The following SMG7 variants were observed in gnomAD, a reference collection of about 807,000 sequenced individuals.
The protein encoded by SMG7 is nonsense-mediated mRNA decay factor SMG7.
A neutral mutation model predicts 148.2 loss-of-function variants in SMG7; 34 were observed. The ratio of observed to expected loss-of-function variants is 0.23; its 90% CI spans 0.17 to 0.31. The LOEUF is 0.31. Ranked by LOEUF, SMG7 falls within the 10% of genes least tolerant of loss-of-function variation. The probability of loss-of-function intolerance (pLI) is 1.00; values close to 1 mark genes in which losing one functional copy is unlikely to be tolerated. For missense variants in SMG7, 1,114 were observed against 1,408.4 expected (o/e 0.79, Z 3.35); for synonymous variants, 492 against 515.1 (o/e 0.96, Z 0.61).
chr1:183,508,059 T>C lies in SMG7; in HGVS notation c.30-4778T>C, dbSNP rs546755544. On this transcript the variant is annotated intron_variant, in intron 1 of 22. Coordinates refer to ENST00000688051, the MANE Select transcript of SMG7 (RefSeq NM_001375584.1). ...AGCTTAAAGAATTAAAAGGAATTCA[T>C]GTTGCCATACCCTCTACCAAGAGAA... 1.3e-3 allele frequency: 534 copies of C among 404,744 alleles called. 17 individuals carry two copies. In the South Asian group the frequency reaches 0.052, roughly 39 times the overall value. 25.1% of individuals were successfully genotyped at this position (404,744 alleles called of 1,614,324 possible). A position where few individuals can be genotyped will look rare whatever the true frequency, so the allele number is the denominator to read the frequency against.
rs763832972 is a variant in SMG7, at chr1:183,529,378, A to AT, written c.708-13dup. 6.9e-6 allele frequency: 11 copies of AT among 1,604,826 alleles called. No individual in the cohort carries two copies. The highest frequency in any genetic ancestry group is 9.3e-6 in the Non-Finnish European group (11 of 1,177,184). On this transcript the variant is annotated intron_variant, in intron 7 of 22. Coordinates refer to ENST00000688051, the MANE Select transcript of SMG7 (RefSeq NM_001375584.1). ...CAATTTGCTGCTTATGATTCATGGA[A>AT]TTTTTTTCTTTCATTTCAGCCGAGA...
intron 4 of SMG7, among the ~76,000 whole-genome samples, chr1:183,522,831 G>A (rs994156968): frequency 7.9e-5 from 12 of 151,332 alleles, no homozygotes; most frequent in Admixed American, 7.9e-4. Flanking sequence ...GGCTGAGTAC[G>A]GTGCTTAATC....
chr1:183,536,780 T>G (rs1358693738), intron 10 of SMG7, among the ~76,000 whole-genome samples: 1 of 152,174 alleles, frequency 6.6e-6, no homozygotes, highest in Non-Finnish European at 1.5e-5. Context: ...CAACTCATAA[T>G]GTATGTGAAA....
intron 14 of SMG7, 127 bp downstream of exon 14, chr1:183,542,629 G>A: frequency 1.4e-6 from 1 of 718,562 alleles, no homozygotes; most frequent in East Asian, 2.7e-5. Flanking sequence ...TAATTGCATA[G>A]TAAGGTTATA....
chr1:183,509,288 A>G (rs954457658), intron 1 of SMG7, among the ~76,000 whole-genome samples: 6 of 152,218 alleles, frequency 3.9e-5, no homozygotes, highest in Non-Finnish European at 5.9e-5. Flanking sequence ...TATTTCCTTT[A>G]TGAACAGATC....
At chr1:183,477,615 C>T (rs1298929668) in intron 1 of SMG7, among the ~76,000 whole-genome samples, 28 of 53,110 alleles carry the variant, frequency 5.3e-4, no homozygotes, top group East Asian at 1.0e-3. Flanking sequence ...TGCATATATA[C>T]GTGTGTGCAT....
rs777554923 is a variant in SMG7, at chr1:183,545,287, C to T, written c.2345C>T (p.Pro782Leu). ...GCTGTGCCGGCTTTGGGGAAAAGCC[C>T]GCCTCACCACTCTGGATTCCAGCAG... ...TKAVPALGKS[P>L]PHHSGFQQYQ... Residue 782 changes from proline to leucine, a missense_variant, in exon 16 of 23, where the codon CCG (proline) becomes CTG (leucine). Physicochemically the swap from Pro to Leu is moderately conservative, Grantham distance 98. Transcript: ENST00000688051. 17 of 1,611,104 alleles carry T rather than the reference C, an allele frequency of 1.1e-5. No homozygotes were observed. Among genetic ancestry groups the T allele is most frequent in the Admixed American group, 3.3e-5 (2 of 60,010 alleles).
intron 11 of SMG7, among the ~76,000 whole-genome samples, chr1:183,537,683 GT>G (rs1668040246): frequency 6.6e-6 from 1 of 152,106 alleles, no homozygotes. Flanking sequence ...ATCAAATAAA[GT>G]TTTGTGCCTG....
chr1:183,514,603 C>T (rs1279832866), intron 2 of SMG7, among the ~76,000 whole-genome samples: 2 of 152,202 alleles, frequency 1.3e-5, no homozygotes, highest in Non-Finnish European at 2.9e-5. Context: ...CATTGAACAA[C>T]CTTAGTAAAT....
At chr1:183,494,685 T>C (rs957219458) in intron 1 of SMG7, among the ~76,000 whole-genome samples, 9 of 151,032 alleles carry the variant, frequency 6.0e-5, no homozygotes, top group Non-Finnish European at 1.5e-5. Context: ...TTTTCCCTAG[T>C]ATTTTAAAGA....
intron 1 of SMG7, among the ~76,000 whole-genome samples, chr1:183,478,562 C>G (rs1457689697): frequency 6.6e-6 from 1 of 152,106 alleles, no homozygotes; most frequent in African/African-American, 2.4e-5. Context: ...CTTCTGCCTT[C>G]ATGGTAGAAG....
At position 183,553,619 on chromosome 1, in the gene SMG7, C is replaced by CT. The variant is rs1553255496; in HGVS notation, c.*1688_*1689insT. On this transcript the variant is annotated 3_prime_UTR_variant, in exon 23 of 23. Transcript: ENST00000688051. ...AGAGAGTGGTTGGAGCCCCCCCCGC[C>CT]CCGTATGCTTACATTATTGCTCTTT... 6.2e-6 allele frequency: 1 copy of CT among 161,244 alleles called. No individual in the cohort carries two copies. The highest frequency in any genetic ancestry group is 2.4e-5 in the African/African-American group (1 of 41,314). 10.0% of individuals were successfully genotyped at this position (161,244 alleles called of 1,614,324 possible).
chr1:183,528,026 T>C lies in SMG7; in HGVS notation c.555T>C (p.Asn185=), dbSNP rs1374479588. Residue 185 remains asparagine (N), a splice_region_variant and synonymous_variant, in exon 6 of 23, where the codon AAT becomes AAC. Transcript: ENST00000688051. The part of the protein sequence containing the change: ...YRHAAQLVPS[N]GQPYNQLAIL... ...ATGCAGCTCAGCTTGTCCCCTCCAA[T>C]GGTGAGTGGACCTGTCAACCTGAGA... 6.2e-7 allele frequency: 1 copy of C among 1,609,386 alleles called. No homozygotes were observed. The highest frequency in any genetic ancestry group is 8.5e-7 in the Non-Finnish European group (1 of 1,176,138).
At chr1:183,514,006 GGCGAC>G (rs1003802026) in intron 2 of SMG7, among the ~76,000 whole-genome samples, 1 of 147,276 alleles carries the variant, frequency 6.8e-6, no homozygotes, top group Non-Finnish European at 1.5e-5. Flanking sequence ...CTCCAGCCTG[GGCGAC>G]AGAAAAAGAC....
In SMG7 at chr1:183,529,500, C is replaced by A. The variant is rs1199871849; in HGVS notation, c.810C>A (p.Ser270Arg). The A allele has an allele frequency of 6.2e-7, 1 of 1,612,694 alleles. No homozygotes were observed. Among genetic ancestry groups the A allele is most frequent in the South Asian group, 1.1e-5 (1 of 90,994 alleles). Reference protein sequence around the residue: ...VYLSKSLEKLSPLREKLEEQF... With the variant: ...VYLSKSLEKLRPLREKLEEQF... ...TGAGTAAGAGCTTGGAAAAGTTGAGCCCTCTTCGAGAGAAATTGGAAGAAC... is the reference window on the plus strand; with the variant it reads ...TGAGTAAGAGCTTGGAAAAGTTGAGACCTCTTCGAGAGAAATTGGAAGAAC... The change falls in exon 8 of 23, where the codon AGC becomes AGA. Residue 270 changes from serine to arginine, a missense_variant. By Grantham distance (110) the Ser-to-Arg change is moderately radical (BLOSUM62 -1). Transcript: ENST00000688051.
Position 183,552,756 on chromosome 1 carries a change from C to T in SMG7, c.*825C>T, listed in dbSNP as rs923904902. The T allele has an allele frequency of 5.6e-5, 77 of 1,382,950 alleles. No homozygotes were observed. In the East Asian group the frequency reaches 8.0e-4, roughly 14 times the overall value. The allele number at this position is 1,382,950 out of a possible 1,614,324, so 85.7% of individuals were successfully genotyped here. On this transcript the variant is annotated 3_prime_UTR_variant, in exon 23 of 23. Coordinates refer to ENST00000688051, the MANE Select transcript of SMG7 (RefSeq NM_001375584.1). ...TTTTGATTCCTGTACATTTTACAGT[C>T]GCACAGCAAGCAGTCTCACAGAAGG... is the stretch of plus-strand genomic sequence containing the variant.
intron 6 of SMG7, 25 bp downstream of exon 6, chr1:183,528,052 T>C: frequency 1.3e-6 from 2 of 1,577,606 alleles, no homozygotes; most frequent in Non-Finnish European, 1.7e-6. Context: ...CAACCTGAGA[T>C]TGACCGTGAC....
intron 22 of SMG7, 125 bp downstream of exon 22, chr1:183,551,315 A>G: frequency 8.4e-6 from 7 of 835,790 alleles, no homozygotes; most frequent in Non-Finnish European, 1.2e-5. Context: ...CATATATAAC[A>G]AAGTCCTAGA....
At position 183,523,078 on chromosome 1, in the gene SMG7, T is replaced by C. The variant is rs1270973455; in HGVS notation, c.313-3518T>C. 3.3e-5 allele frequency among the ~76,000 whole-genome samples: 5 copies of C among 152,228 alleles called. No individual in the cohort carries two copies. In the East Asian group the frequency reaches 7.7e-4, roughly 23 times the overall value. On this transcript the variant is annotated intron_variant, in intron 4 of 22. Transcript: ENST00000688051. ...TCCTGGTCAAAGTAAAGACATACCATTCTGCTGTAGGTTGTTTTTAAACAT... is the reference window on the plus strand; with the variant it reads ...TCCTGGTCAAAGTAAAGACATACCACTCTGCTGTAGGTTGTTTTTAAACAT...
Sources: allele counts gnomAD v4.1 joint callset (sites outside exome capture counted in the v4.1 genomes callset), GRCh38; gene constraint gnomAD v4.1.1; transcripts MANE v1.5; gene names NCBI Gene and HGNC (gene_info 2026-07-23, HGNC 2026-07-21).